Variants in CSMD2 observed in about 807,000 individuals in gnomAD.
CSMD2 encodes the protein CUB and sushi domain-containing protein 2.
Under a neutral mutation model 398.5 loss-of-function variants are expected in CSMD2, and 130 were observed. The ratio of observed to expected loss-of-function variants is 0.33; its 90% CI spans 0.28 to 0.38. The LOEUF (loss-of-function observed/expected upper bound fraction) is 0.38, where lower values mean the gene tolerates loss of function less well. Among genes scored for constraint, CSMD2 ranks in the 10% least tolerant of loss-of-function variants. CSMD2 has a pLI of 1.00. For synonymous variants in CSMD2, 1,828 were observed against 1,908.5 expected (o/e 0.96, Z 1.10); for missense variants, 3,829 against 4,764.9 (o/e 0.80, Z 5.78).
At chr1:33,971,336 T>C (rs1645755721) in intron 3 of CSMD2, among the ~76,000 whole-genome samples, 1 of 152,212 alleles carries the variant, frequency 6.6e-6, no homozygotes, top group Admixed American at 6.5e-5. Flanking sequence ...GTGTGGCGGC[T>C]TCATGGAAAT....
At chr1:33,968,103 C>T (rs527583338) in intron 3 of CSMD2, among the ~76,000 whole-genome samples, 5 of 152,248 alleles carry the variant, frequency 3.3e-5, no homozygotes, top group South Asian at 2.1e-4. Context: ...ATGAGAAGCC[C>T]GACCCATTTT....
In CSMD2 at chr1:34,133,011, T is replaced by C. The variant is rs140294058; in HGVS notation, c.187+31900A>G. On this transcript the variant is annotated intron_variant, in intron 1 of 70. Transcript: ENST00000373381. ...TATTTCTCTGGTGAACCTTGACTAATACAGCTTTCAAATTAATTCATTCAA... is the reference window on the plus strand; with the variant it reads ...TATTTCTCTGGTGAACCTTGACTAACACAGCTTTCAAATTAATTCATTCAA... Among the ~76,000 whole-genome samples the C allele has an allele frequency of 1.3e-3, 190 of 150,778 alleles. 1 individual carries two copies. Among genetic ancestry groups the C allele is most frequent in the Middle Eastern group, 3.4e-3 (1 of 290 alleles).
At chr1:33,629,219 C>T (rs1217242562) in intron 32 of CSMD2, among the ~76,000 whole-genome samples, 2 of 151,946 alleles carry the variant, frequency 1.3e-5, no homozygotes, top group Non-Finnish European at 2.9e-5. Flanking sequence ...AAGAAGTCCA[C>T]AATTTAAAAA....
Position 33,739,229 on chromosome 1 carries a change from C to A in CSMD2, c.2279G>T (p.Gly760Val). 2 of 1,614,212 alleles carry A rather than the reference C, an allele frequency of 1.2e-6. No individual in the cohort carries two copies. The highest frequency in any genetic ancestry group is 1.7e-6 in the Non-Finnish European group (2 of 1,180,040). ...GSSISFLCDEGFLGTQGSETI... is the reference protein window; with the variant it reads ...GSSISFLCDEVFLGTQGSETI... The stretch of plus-strand genomic sequence containing the variant: ...CTCTGAGCCCTGAGTCCCAAGGAAG[C>A]CTTCATCACAGAGGAAGGAGATGGA... The change falls in exon 15 of 71, where the codon GGC (glycine) becomes GTC (valine). Residue 760 changes from glycine (G) to valine (V), a missense_variant. Gly to Val is a moderately radical substitution (Grantham distance 109). This residue lies in a region of CSMD2 where 2,001 missense variants were observed against 2,567.1 expected (regional missense o/e 0.78). Transcript: ENST00000373381.
intron 13 of CSMD2, among the ~76,000 whole-genome samples, chr1:33,764,835 G>A (rs922177738): frequency 6.6e-6 from 1 of 152,198 alleles, no homozygotes; most frequent in Non-Finnish European, 1.5e-5. Flanking sequence ...GTTTGAAATT[G>A]CATTTGTCCT....
At chr1:34,136,042 A>G (rs1201302416) in intron 1 of CSMD2, among the ~76,000 whole-genome samples, 1 of 152,132 alleles carries the variant, frequency 6.6e-6, no homozygotes, top group Non-Finnish European at 1.5e-5. Context: ...AGAAGGAGCA[A>G]GCAGGAGAGA....
chr1:33,723,727 T>A (rs1646433436), intron 19 of CSMD2, among the ~76,000 whole-genome samples: 1 of 152,110 alleles, frequency 6.6e-6, no homozygotes, highest in Non-Finnish European at 1.5e-5. Context: ...AGCAGGTGTA[T>A]CTGATGCTCC....
At chr1:33,574,436 A>G (rs1659882974) in intron 49 of CSMD2, among the ~76,000 whole-genome samples, 1 of 152,186 alleles carries the variant, frequency 6.6e-6, no homozygotes, top group South Asian at 2.1e-4. Flanking sequence ...TTGACAGCTC[A>G]GGGGGTATTA....
intron 1 of CSMD2, among the ~76,000 whole-genome samples, chr1:34,098,717 G>T (rs566654899): frequency 1.7e-3 from 261 of 152,028 alleles, no homozygotes; most frequent in Admixed American, 3.5e-3. Flanking sequence ...AAACTGTTTG[G>T]GAAAAGAATT....
intron 3 of CSMD2, among the ~76,000 whole-genome samples, chr1:33,953,075 C>T (rs1389011703): frequency 1.3e-5 from 2 of 152,254 alleles, no homozygotes; most frequent in Non-Finnish European, 2.9e-5. Flanking sequence ...GACAACCTTT[C>T]CTAGACCTCC....
At chr1:33,583,948 C>G (rs1036057809) in intron 46 of CSMD2, 118 bp from the exon 47 acceptor site, 2 of 790,186 alleles carry the variant, frequency 2.5e-6, no homozygotes, top group African/African-American at 3.4e-5. Flanking sequence ...TGAGCACATT[C>G]AGATAAGATC....
At chr1:33,839,441 A>T (rs1660626221) in intron 6 of CSMD2, 1 of 155,528 alleles carries the variant, frequency 6.4e-6, no homozygotes, top group Non-Finnish European at 1.5e-5. Context: ...GCTTGACCCT[A>T]AAGCTTGAAG....
At chr1:34,049,470 T>C (rs1379628078) in intron 2 of CSMD2, among the ~76,000 whole-genome samples, 27 of 152,184 alleles carry the variant, frequency 1.8e-4, no homozygotes, top group Admixed American at 1.8e-3. Context: ...AATTCTGCTT[T>C]TCTGCCTGGA....
At chr1:33,647,088 C>A (rs1327112426) in intron 28 of CSMD2, among the ~76,000 whole-genome samples, 3 of 152,172 alleles carry the variant, frequency 2.0e-5, no homozygotes, top group Non-Finnish European at 4.4e-5. Flanking sequence ...AAATCTGGAG[C>A]TGAAAACCTA....
intron 46 of CSMD2, among the ~76,000 whole-genome samples, chr1:33,585,153 T>C (rs16835640): frequency 0.063 from 9,542 of 152,264 alleles, 319 homozygotes; most frequent in Middle Eastern, 0.11. Flanking sequence ...TAGTTGTAAG[T>C]ATTCTTATCA....
At chr1:33,542,318 T>C (rs1280030430) in intron 58 of CSMD2, among the ~76,000 whole-genome samples, 1 of 152,156 alleles carries the variant, frequency 6.6e-6, no homozygotes, top group Non-Finnish European at 1.5e-5. Flanking sequence ...TAGCTGCATC[T>C]TTGAAGTGAA....
chr1:33,635,198 C>A lies in CSMD2; in HGVS notation c.5086+16G>T. 1.3e-6 allele frequency: 2 copies of A among 1,534,834 alleles called. No individual in the cohort carries two copies. Among genetic ancestry groups the A allele is most frequent in the African/African-American group, 1.4e-5 (1 of 73,236 alleles). ...GAGTCAGAAAACATATGAACAACAA[C>A]AACCAAAACCCATACCATAGTCCTT... On this transcript the variant is annotated intron_variant, in intron 31 of 70. Transcript: ENST00000373381. This position sits in a 1 kb window ranked among gnomAD's most constrained non-coding sequence, Gnocchi z 5.0.
chr1:33,777,719 C>T (rs1019632098), intron 12 of CSMD2, among the ~76,000 whole-genome samples: 11 of 152,206 alleles, frequency 7.2e-5, no homozygotes, highest in African/African-American at 1.7e-4. Context: ...GAGATGATTG[C>T]TTCTAAGATG....
chr1:33,949,978 G>C (rs1644952725), intron 3 of CSMD2, among the ~76,000 whole-genome samples: 1 of 152,116 alleles, frequency 6.6e-6, no homozygotes, highest in Non-Finnish European at 1.5e-5. Flanking sequence ...TGGGTTCCTT[G>C]CATCTGGGAC....
Sources: gnomAD v4.1 joint callset for allele counts (sites outside exome capture counted in the v4.1 genomes callset) on GRCh38, gnomAD v4.1.1 for gene constraint, gnomAD v4.1.1 regional missense constraint, Gnocchi (gnomAD v3.1) non-coding constraint, MANE v1.5 for transcripts, NCBI Gene and HGNC (gene_info 2026-07-23, HGNC 2026-07-21) for gene names.